MARF1: variants seen among roughly 807,000 people sequenced by gnomAD.
MARF1 encodes meiosis regulator and mRNA stability factor 1, also known as limkain-b1.
MARF1 carries 24 observed loss-of-function variants against 168.2 expected under a neutral mutation model. The ratio of observed to expected loss-of-function variants is 0.14; its 90% CI spans 0.10 to 0.20. MARF1 has a LOEUF of 0.20. MARF1 is among the 10% of genes least tolerant of loss of function. MARF1 has a pLI of 1.00. For missense variants in MARF1, 1,744 were observed against 2,143.6 expected, an observed-to-expected ratio of 0.81 and a Z score of 3.68; for synonymous variants, 868 against 822.4, an observed-to-expected ratio of 1.06 and a Z score of -0.95.
intron 16 of MARF1, among the ~76,000 whole-genome samples, 156 bp from the exon 17 acceptor site, chr16:15,612,933 G>A (rs2033697494): frequency 6.6e-6 from 1 of 152,130 alleles, no homozygotes; most frequent in African/African-American, 2.4e-5. Flanking sequence ...CTATATTCAG[G>A]TCTCATAGTC....
chr16:15,637,961 G>C (rs2035704609), intron 2 of MARF1, among the ~76,000 whole-genome samples: 2 of 152,046 alleles, frequency 1.3e-5, no homozygotes. Flanking sequence ...AAGGTCAGAA[G>C]TTCAAGACCA....
chr16:15,606,770 G>T (rs1456449213), intron 21 of MARF1, among the ~76,000 whole-genome samples: 1 of 151,974 alleles, frequency 6.6e-6, no homozygotes, highest in Non-Finnish European at 1.5e-5. Context: ...TCTCTCTCTA[G>T]ACAGATCCAC....
rs1160016296 is a variant in MARF1, at chr16:15,599,024, C to T, written c.4814G>A (p.Gly1605Glu). 6.2e-7 allele frequency: 1 copy of T among 1,605,814 alleles called. No homozygotes were observed. Among genetic ancestry groups the T allele is most frequent in the South Asian group, 1.1e-5 (1 of 90,274 alleles). ...SELKLGADGS[G>E]PSHTEQELLR... ...AAGCTCCTGCTCTGTGTGACTGGGC[C>T]CTGGGCAAACAAGGAGGGCCGTGAC... Residue 1605 changes from glycine (G) to glutamate (E), a missense_variant and splice_region_variant, in exon 26 of 27, where the codon GGG becomes GAG. Gly to Glu is a moderately conservative substitution (Grantham distance 98). This residue lies in a region of MARF1 where 313 missense variants were observed against 337.4 expected (regional missense o/e 0.93). Coordinates refer to ENST00000396368, the MANE Select transcript of MARF1 (RefSeq NM_014647.4).
chr16:15,618,503 CA>C (rs1756637854), intron 13 of MARF1, among the ~76,000 whole-genome samples: 1 of 152,150 alleles, frequency 6.6e-6, no homozygotes, highest in South Asian at 2.1e-4. Context: ...AGTGATGACT[CA>C]AAAGTTATCA....
At chr16:15,619,394 G>T (rs553782736) in intron 13 of MARF1, among the ~76,000 whole-genome samples, 1 of 152,272 alleles carries the variant, frequency 6.6e-6, no homozygotes, top group East Asian at 1.9e-4. Context: ...TCTGAATTTG[G>T]ACTGATGTAG....
chr16:15,613,534 C>T (rs2033760952), intron 16 of MARF1, among the ~76,000 whole-genome samples: 1 of 151,630 alleles, frequency 6.6e-6, no homozygotes, highest in African/African-American at 2.4e-5. Context: ...TGGTGGCAGG[C>T]ACCTGTAGTC....
chr16:15,609,629 T>G lies in MARF1; in HGVS notation c.3848A>C (p.Lys1283Thr). 1 of 1,614,144 alleles carries G rather than the reference T, an allele frequency of 6.2e-7. No individual in the cohort carries two copies. The highest frequency in any genetic ancestry group is 1.1e-5 in the South Asian group (1 of 91,086). The change falls in exon 20 of 27, where the codon AAA becomes ACA. Residue 1283 changes from lysine (K) to threonine (T), a missense_variant. Lys to Thr is a moderately conservative substitution (Grantham distance 78). This residue lies in a region of MARF1 where 543 missense variants were observed against 742.1 expected (regional missense o/e 0.73). Transcript: ENST00000396368. Reference protein sequence around the residue: ...HQPHFRMPFNKFIPSYHHHFG... With the variant: ...HQPHFRMPFNTFIPSYHHHFG... ...GTGGTGATGGTAAGAAGGGATAAAT[T>G]TATTAAAGGGCATCCGGAAATGGGG... is the stretch of plus-strand genomic sequence containing the variant.
chr16:15,626,106 C>T (rs944693522), intron 7 of MARF1, among the ~76,000 whole-genome samples: 3 of 152,054 alleles, frequency 2.0e-5, no homozygotes, highest in Admixed American at 6.5e-5. Flanking sequence ...CTCTGAGTGA[C>T]AGAGTGAGAC....
chr16:15,605,907 A>T (rs1419263275), intron 21 of MARF1: 2 of 152,138 alleles, frequency 1.3e-5, no homozygotes, highest in Admixed American at 1.3e-4. Context: ...CACCCCTTTC[A>T]TCATCCTGGG....
intron 22 of MARF1, among the ~76,000 whole-genome samples, chr16:15,603,192 A>G (rs1233683675): frequency 6.6e-6 from 1 of 152,210 alleles, no homozygotes; most frequent in Non-Finnish European, 1.5e-5. Flanking sequence ...ATAATGGCAT[A>G]TCATTCTTTT....
chr16:15,610,647 C>T (rs1180658930), intron 19 of MARF1: 1 of 219,602 alleles, frequency 4.6e-6, no homozygotes, highest in Admixed American at 5.6e-5. Context: ...AAGAGCAAAG[C>T]CAACAGGCAC....
At chr16:15,637,794 A>G (rs947025483) in intron 2 of MARF1, among the ~76,000 whole-genome samples, 11 of 152,206 alleles carry the variant, frequency 7.2e-5, no homozygotes, top group Non-Finnish European at 1.3e-4. Flanking sequence ...AATGACCCAA[A>G]TTACTTGATG....
chr16:15,595,548 C>CAT lies in MARF1; in HGVS notation c.*1143_*1144dup, dbSNP rs2031596605. On this transcript the variant is annotated 3_prime_UTR_variant, in exon 27 of 27. Transcript: ENST00000396368. ...ACCTCAGGCACCTAGAGAGGAAGGC[C>CAT]ATTCCACACCAGACGCCACAAGAAA... 6.6e-6 allele frequency: 1 copy of CAT among 152,644 alleles called. No homozygotes were observed. Among genetic ancestry groups the CAT allele is most frequent in the Non-Finnish European group, 1.5e-5 (1 of 68,024 alleles). The allele number at this position is 152,644 out of a possible 1,614,324, so 9.5% of individuals were successfully genotyped here.
chr16:15,624,623 C>CCGAGG, intron 10 of MARF1, 146 bp downstream of exon 10: 1 of 732,364 alleles, frequency 1.4e-6, no homozygotes, highest in Non-Finnish European at 2.3e-6. Flanking sequence ...CGATGATTAC[C>CCGAGG]TGAGGAGAGG....
rs1315852625 is a variant in MARF1 at position 15,600,676 on chromosome 16, T to C, written c.4652A>G (p.His1551Arg). The C allele has an allele frequency of 1.9e-6, 3 of 1,613,874 alleles. No individual in the cohort carries two copies. The highest frequency in any genetic ancestry group is 1.3e-5 in the African/African-American group (1 of 75,054). ...ATTTTTTAACACTACAATTCTCTTATGACCATGTCCTTTTATCCAGACCAC... is the reference window on the plus strand; with the variant it reads ...ATTTTTTAACACTACAATTCTCTTACGACCATGTCCTTTTATCCAGACCAC... ...PQVVWIKGHG[H>R]KRIVVLKNDM... The change falls in exon 24 of 27, where the codon CAT (histidine) becomes CGT (arginine). Residue 1551 changes from histidine (H) to arginine (R), a missense_variant. His to Arg is a conservative substitution (Grantham distance 29). Transcript: ENST00000396368.
intron 18 of MARF1, 72 bp from the exon 19 acceptor site, chr16:15,611,180 C>A: frequency 1.3e-6 from 2 of 1,495,804 alleles, no homozygotes; most frequent in Middle Eastern, 1.7e-4. Flanking sequence ...GTTTTCCGGC[C>A]GGGCGCTGGG....
chr16:15,601,138 C>T, intron 23 of MARF1: 1 of 458,810 alleles, frequency 2.2e-6, no homozygotes, highest in East Asian at 6.9e-5. Context: ...TGGTGCCGCT[C>T]TCCATCTCAG....
chr16:15,607,803 C>T (rs1325569745), intron 21 of MARF1, among the ~76,000 whole-genome samples: 3 of 152,216 alleles, frequency 2.0e-5, no homozygotes, highest in Non-Finnish European at 4.4e-5. Flanking sequence ...ACAGCACGAG[C>T]TGCCCTCTCT....
intron 20 of MARF1, chr16:15,608,743 A>G: frequency 1.8e-6 from 1 of 559,302 alleles, no homozygotes; most frequent in Non-Finnish European, 3.2e-6. Flanking sequence ...TACGAAGGTA[A>G]GTTCTATGTT....
Sources: allele counts gnomAD v4.1 joint callset (sites outside exome capture counted in the v4.1 genomes callset), GRCh38; gene constraint gnomAD v4.1.1; regional missense constraint gnomAD v4.1.1; transcripts MANE v1.5; gene names NCBI Gene and HGNC (gene_info 2026-07-23, HGNC 2026-07-21).